The following NEDD9 variants were observed in gnomAD, a reference collection of about 807,000 sequenced individuals.
The protein encoded by NEDD9 is enhancer of filamentation 1.
A neutral mutation model predicts 76.6 loss-of-function variants in NEDD9; 26 were observed. The ratio of observed to expected loss-of-function variants is 0.34; its 90% CI spans 0.25 to 0.47. The LOEUF (loss-of-function observed/expected upper bound fraction) is 0.47. Ranked by LOEUF, NEDD9 falls within the 20% of genes least tolerant of loss-of-function variation. The pLI is 1.00. For synonymous variants in NEDD9, 392 were observed against 414.2 expected (o/e 0.95, Z 0.65); for missense variants, 937 against 1,058.5 (o/e 0.89, Z 1.59).
At chr6:11,371,198 A>G (rs1762868352) in intron 1 of NEDD9, among the ~76,000 whole-genome samples, 1 of 152,220 alleles carries the variant, frequency 6.6e-6, no homozygotes, top group Non-Finnish European at 1.5e-5. Flanking sequence ...TCCCACATGC[A>G]CACAGGCTCT....
chr6:11,265,892 T>C (rs1455292078), intron 3 of NEDD9, among the ~76,000 whole-genome samples: 1 of 152,128 alleles, frequency 6.6e-6, no homozygotes, highest in African/African-American at 2.4e-5. Context: ...GCAAAATGGA[T>C]GGAACTGAGG....
upstream of NEDD9, among the ~76,000 whole-genome samples, chr6:11,236,917 C>T (rs546828340): frequency 6.6e-6 from 1 of 152,188 alleles, no homozygotes; most frequent in Non-Finnish European, 1.5e-5. This position sits in a 1 kb window ranked among gnomAD's most constrained non-coding sequence, Gnocchi z 5.5. Flanking sequence ...CTACCGCCGA[C>T]CCCCATCCCA....
At chr6:11,299,764 G>C (rs1406468741) in intron 3 of NEDD9, among the ~76,000 whole-genome samples, 2 of 152,220 alleles carry the variant, frequency 1.3e-5, no homozygotes, top group African/African-American at 4.8e-5. Context: ...ACCTGAAGCT[G>C]AGGGGTCTGT....
At chr6:11,303,021 T>A (rs911224294) in intron 3 of NEDD9, among the ~76,000 whole-genome samples, 14 of 152,096 alleles carry the variant, frequency 9.2e-5, no homozygotes, top group Admixed American at 7.2e-4. Flanking sequence ...GCTAGGGAAA[T>A]CAGGTAAGAG....
At chr6:11,246,893 A>G (rs1361661649) in intron 3 of NEDD9, among the ~76,000 whole-genome samples, 2 of 152,142 alleles carry the variant, frequency 1.3e-5, no homozygotes, top group Non-Finnish European at 1.5e-5. Context: ...GTTCAGACGC[A>G]TCAGAATGAA....
intron 1 of NEDD9, among the ~76,000 whole-genome samples, chr6:11,355,951 G>A (rs1256756676): frequency 1.3e-5 from 2 of 152,094 alleles, no homozygotes; most frequent in Admixed American, 1.3e-4. Context: ...TCGATCTCCT[G>A]ACCTCGTGAT....
At chr6:11,230,689 G>C (rs1422518885) in intron 1 of NEDD9, among the ~76,000 whole-genome samples, 1 of 152,200 alleles carries the variant, frequency 6.6e-6, no homozygotes, top group Admixed American at 6.5e-5. Flanking sequence ...GGAGAAGTTA[G>C]CTTTTTTGCT....
chr6:11,319,029 A>G (rs1160720073), intron 2 of NEDD9, among the ~76,000 whole-genome samples: 1 of 152,236 alleles, frequency 6.6e-6, no homozygotes, highest in Non-Finnish European at 1.5e-5. Flanking sequence ...AGAGTTCATT[A>G]TGTTTCTGCC....
Position 11,318,961 on chromosome 6 carries a change from T to C in NEDD9, c.-152-12806A>G, listed in dbSNP as rs138767751. ...CTAATTCATTTCTGCCATTATCCCA[T>C]TCTGGGATAACTTCAGAAACCACGA... On this transcript the variant is annotated intron_variant, in intron 2 of 3. Coordinates refer to the NEDD9 transcript ENST00000397378. Among the ~76,000 whole-genome samples, 420 of 152,382 alleles carry C rather than the reference T, an allele frequency of 2.8e-3. 3 individuals are homozygous for C. The highest frequency in any genetic ancestry group is 9.8e-3 in the African/African-American group (406 of 41,596).
At chr6:11,288,303 A>G (rs1349452905) in intron 3 of NEDD9, among the ~76,000 whole-genome samples, 1 of 152,216 alleles carries the variant, frequency 6.6e-6, no homozygotes, top group Non-Finnish European at 1.5e-5. Flanking sequence ...TTAGGCTCAT[A>G]AAAGTGATTT....
In NEDD9 at chr6:11,223,191, C is replaced by T. The variant is rs370416914; in HGVS notation, c.12+9313G>A. On this transcript the variant is annotated intron_variant, in intron 1 of 6. Transcript: ENST00000379446. The stretch of plus-strand genomic sequence containing the variant: ...GAAACCCTGGATAGAGGAATGGACA[C>T]CAGACTGAATTAGGAGGGTCTAGCT... Among the ~76,000 whole-genome samples the T allele has an allele frequency of 2.5e-4, 38 of 152,272 alleles. 1 individual carries two copies. Among genetic ancestry groups the T allele is most frequent in the African/African-American group, 9.1e-4 (38 of 41,554 alleles).
chr6:11,216,138 T>A (rs1033586241), intron 1 of NEDD9, among the ~76,000 whole-genome samples: 1 of 152,128 alleles, frequency 6.6e-6, no homozygotes, highest in African/African-American at 2.4e-5. Context: ...CGCAGGTGAG[T>A]CCTCCTGACT....
chr6:11,216,476 G>A (rs1278994786), intron 1 of NEDD9, among the ~76,000 whole-genome samples: 3 of 152,186 alleles, frequency 2.0e-5, no homozygotes, highest in South Asian at 2.1e-4. Context: ...TATTGGCAGC[G>A]ATGGAAAGAG....
intron 1 of NEDD9, among the ~76,000 whole-genome samples, chr6:11,357,606 C>A (rs77873650): frequency 0.052 from 7,955 of 152,218 alleles, 301 homozygotes; most frequent in Non-Finnish European, 0.068. Flanking sequence ...AGAAACAACA[C>A]CCAGAAAATA....
rs371438757 is a variant in NEDD9 at position 11,339,821 on chromosome 6, C to T, written c.-213-5260G>A. ...CTTTCTTAAATTCTCATAGAAACAA[C>T]TGGGAAATGCTTCTTGTTAAACAAG... On this transcript the variant is annotated intron_variant, in intron 1 of 3. Coordinates refer to the NEDD9 transcript ENST00000397378. Among the ~76,000 whole-genome samples the T allele has an allele frequency of 2.6e-4, 40 of 152,318 alleles. No homozygotes were observed. The East Asian group carries it at 7.5e-3, about 29-fold the overall frequency.
chr6:11,352,593 A>G (rs1046428449), intron 1 of NEDD9: 2 of 152,228 alleles, frequency 1.3e-5, no homozygotes, highest in Non-Finnish European at 2.9e-5. Flanking sequence ...TGCCAGTCAG[A>G]AAGACCAGAG....
intron 3 of NEDD9, among the ~76,000 whole-genome samples, chr6:11,287,322 G>A (rs1161841582): frequency 2.0e-5 from 3 of 152,174 alleles, no homozygotes; most frequent in African/African-American, 7.2e-5. Context: ...CAGACGCTCA[G>A]GAGGCTGAGG....
At chr6:11,281,254 C>G (rs190506317) in intron 3 of NEDD9, among the ~76,000 whole-genome samples, 42 of 152,308 alleles carry the variant, frequency 2.8e-4, no homozygotes, top group Admixed American at 9.8e-4. Context: ...TCAGAGCAGC[C>G]ATGTCCTTTG....
chr6:11,366,082 G>A (rs1482947429), intron 1 of NEDD9, among the ~76,000 whole-genome samples: 1 of 152,100 alleles, frequency 6.6e-6, no homozygotes, highest in Non-Finnish European at 1.5e-5. Context: ...TCAGGAGTTT[G>A]AGACCAGCCT....
Sources: allele counts gnomAD v4.1 joint callset (sites outside exome capture counted in the v4.1 genomes callset), GRCh38; gene constraint gnomAD v4.1.1; non-coding constraint Gnocchi (gnomAD v3.1); transcripts MANE v1.5; gene names NCBI Gene and HGNC (gene_info 2026-07-23, HGNC 2026-07-21).